HDAC9: variants seen among roughly 807,000 people sequenced by gnomAD.
HDAC9 encodes the protein histone deacetylase 9, also known as MEF-2 interacting transcription repressor (MITR) protein.
A neutral mutation model predicts 139.4 loss-of-function variants in HDAC9; 41 were observed. The observed-to-expected ratio is 0.29, with a 90% confidence interval of 0.23 to 0.38. The LOEUF is 0.38. Ranked by LOEUF, HDAC9 falls within the 10% of genes least tolerant of loss-of-function variation. The probability of loss-of-function intolerance (pLI) is 1.00; values close to 1 mark genes in which losing one functional copy is unlikely to be tolerated. For synonymous variants in HDAC9, 517 were observed against 476.2 expected, an observed-to-expected ratio of 1.09 and a Z score of -1.12; for missense variants, 1,147 against 1,297.0, an observed-to-expected ratio of 0.88 and a Z score of 1.78.
intron 12 of HDAC9, among the ~76,000 whole-genome samples, chr7:18,720,990 T>C (rs1785104173): frequency 3.3e-5 from 5 of 152,160 alleles, no homozygotes; most frequent in Admixed American, 3.3e-4. Context: ...ATTTTTATTT[T>C]CTTTTTTCAT....
intron 13 of HDAC9, among the ~76,000 whole-genome samples, chr7:18,736,843 G>A (rs184388273): frequency 1.3e-5 from 2 of 152,236 alleles, no homozygotes; most frequent in East Asian, 1.9e-4. Flanking sequence ...GGTAGAATTC[G>A]GGTGTGAATC....
rs140286330 is a variant in HDAC9 at position 18,983,173 on chromosome 7, A to T, written c.3170+7220A>T. Among the ~76,000 whole-genome samples the T allele has an allele frequency of 7.6e-4, 115 of 152,284 alleles. 1 individual carries two copies. Among genetic ancestry groups the T allele is most frequent in the African/African-American group, 2.6e-3 (107 of 41,556 alleles). On this transcript the variant is annotated intron_variant, in intron 25 of 25. Transcript: ENST00000686413. ...CTGTTTCAGAGTTTGACTACTTTAG[A>T]TACTTCATATAATTGGAACCATGCA...
intron 3 of HDAC9, 41 bp from the exon 4 acceptor site, chr7:18,590,295 T>G: frequency 6.2e-7 from 1 of 1,605,698 alleles, no homozygotes; most frequent in Non-Finnish European, 8.5e-7. Context: ...CTATGAAGCC[T>G]AAAGAAATTG....
intron 1 of HDAC9, among the ~76,000 whole-genome samples, chr7:18,344,864 AT>A (rs1782281092): frequency 6.6e-6 from 1 of 151,992 alleles, no homozygotes. Flanking sequence ...ACTGAAAAAA[AT>A]TCACCAAATT....
chr7:18,377,046 G>C (rs1042932974), intron 1 of HDAC9, among the ~76,000 whole-genome samples: 1 of 152,086 alleles, frequency 6.6e-6, no homozygotes, highest in African/African-American at 2.4e-5. Context: ...TGTTGACAGT[G>C]CTGATATAGC....
At position 18,611,242 on chromosome 7, in the gene HDAC9, G is replaced by T. The variant is rs190738853; in HGVS notation, c.664+17213G>T. ...TTTTTCCATAGTAAAACACTGATAAGGGAACAGCACATTACTTTAGGGTAT... is the reference window on the plus strand; with the variant it reads ...TTTTTCCATAGTAAAACACTGATAATGGAACAGCACATTACTTTAGGGTAT... On this transcript the variant is annotated intron_variant, in intron 6 of 25. Transcript: ENST00000686413. Among the ~76,000 whole-genome samples the T allele has an allele frequency of 9.9e-5, 15 of 152,148 alleles. 1 individual carries two copies. The East Asian group carries it at 2.9e-3, about 29-fold the overall frequency.
At chr7:18,837,892 CTT>C (rs1296721359) in intron 21 of HDAC9, among the ~76,000 whole-genome samples, 1 of 152,084 alleles carries the variant, frequency 6.6e-6, no homozygotes, top group Admixed American at 6.6e-5. Flanking sequence ...GGCGCCTTCT[CTT>C]TGCCTGGAAG....
intron 2 of HDAC9, among the ~76,000 whole-genome samples, chr7:18,518,646 A>G (rs1055150228): frequency 1.4e-4 from 21 of 152,168 alleles, no homozygotes; most frequent in African/African-American, 4.8e-4. Context: ...TCGAGAAATT[A>G]ATGCAAAAGC....
intron 17 of HDAC9, among the ~76,000 whole-genome samples, chr7:18,795,718 G>A (rs865915161): frequency 6.6e-6 from 1 of 152,178 alleles, no homozygotes; most frequent in Non-Finnish European, 1.5e-5. Flanking sequence ...TGGGGGAAAA[G>A]TAGAACTCAC....
chr7:18,757,480 A>G (rs956382301), intron 14 of HDAC9, among the ~76,000 whole-genome samples: 1 of 152,182 alleles, frequency 6.6e-6, no homozygotes, highest in Non-Finnish European at 1.5e-5. Flanking sequence ...CAATAATACC[A>G]AACCAATGCA....
At chr7:18,128,896 C>A (rs1220176368) in intron 1 of HDAC9, among the ~76,000 whole-genome samples, 1 of 151,424 alleles carries the variant, frequency 6.6e-6, no homozygotes, top group African/African-American at 2.4e-5. Context: ...TTTTCCTTTT[C>A]TTCCTTTCTT....
chr7:18,228,359 G>T (rs1793213847), intron 2 of HDAC9, among the ~76,000 whole-genome samples: 1 of 150,752 alleles, frequency 6.6e-6, no homozygotes, highest in African/African-American at 2.4e-5. Context: ...AATTTTTCTG[G>T]TAGGTACATA....
intron 12 of HDAC9, among the ~76,000 whole-genome samples, chr7:18,690,631 C>A (rs2129097059): frequency 6.6e-6 from 1 of 151,876 alleles, no homozygotes; most frequent in African/African-American, 2.4e-5. Context: ...TGCTAAAGTA[C>A]CATTTATTTT....
At chr7:18,263,114 A>G (rs904839119) in intron 2 of HDAC9, among the ~76,000 whole-genome samples, 4 of 152,186 alleles carry the variant, frequency 2.6e-5, no homozygotes, top group Non-Finnish European at 1.5e-5. Context: ...TAAGAGACAC[A>G]TATGAGATTC....
intron 12 of HDAC9, among the ~76,000 whole-genome samples, chr7:18,721,839 A>G (rs1221048320): frequency 6.6e-6 from 1 of 152,226 alleles, no homozygotes; most frequent in Non-Finnish European, 1.5e-5. Context: ...AGTCTCCATT[A>G]GCAGGCCACC....
chr7:18,387,090 A>G (rs1786008725), intron 1 of HDAC9, among the ~76,000 whole-genome samples: 1 of 152,206 alleles, frequency 6.6e-6, no homozygotes, highest in Admixed American at 6.5e-5. Context: ...TCTGAGGATA[A>G]AAGAAGATTC....
intron 1 of HDAC9, among the ~76,000 whole-genome samples, chr7:18,401,300 A>G (rs1413152240): frequency 6.6e-6 from 1 of 152,162 alleles, no homozygotes; most frequent in Non-Finnish European, 1.5e-5. Context: ...TCTACTCTGT[A>G]TACATCTTTT....
intron 2 of HDAC9, among the ~76,000 whole-genome samples, chr7:18,176,586 A>C (rs764440332): frequency 1.3e-5 from 2 of 152,180 alleles, no homozygotes; most frequent in African/African-American, 4.8e-5. Context: ...TTATAATTAG[A>C]GATTTTTTTA....
intron 2 of HDAC9, among the ~76,000 whole-genome samples, chr7:18,237,295 C>G (rs1793885607): frequency 6.6e-6 from 1 of 152,172 alleles, no homozygotes. Context: ...TTGGAAATAT[C>G]TAGTCACATG....
Sources: allele counts gnomAD v4.1 joint callset (sites outside exome capture counted in the v4.1 genomes callset), GRCh38; gene constraint gnomAD v4.1.1; transcripts MANE v1.5; gene names NCBI Gene and HGNC (gene_info 2026-07-23, HGNC 2026-07-21).